Variants in CACNA2D3 observed in about 807,000 individuals in gnomAD.
The protein encoded by CACNA2D3 is calcium voltage-gated channel auxiliary subunit alpha2delta 3, also known as voltage-dependent calcium channel subunit alpha-2/delta-3.
Under a neutral mutation model 160.6 loss-of-function variants are expected in CACNA2D3, and 60 were observed. The observed-to-expected ratio is 0.37, with a 90% CI of 0.30 to 0.46. The LOEUF (loss-of-function observed/expected upper bound fraction) is 0.46, where lower values mean the gene tolerates loss of function less well. CACNA2D3 is among the 20% of genes least tolerant of loss of function. The pLI, the probability that CACNA2D3 is intolerant of heterozygous loss-of-function variation, is 1.00. For missense variants in CACNA2D3, 1,205 were observed against 1,365.0 expected (o/e 0.88, Z 1.85); for synonymous variants, 558 against 492.9 (o/e 1.13, Z -1.75).
chr3:54,412,589 G>T (rs1699686246), intron 4 of CACNA2D3, among the ~76,000 whole-genome samples: 4 of 138,194 alleles, frequency 2.9e-5, no homozygotes, highest in African/African-American at 1.1e-4. Flanking sequence ...CTTATAACCT[G>T]TCTGTAATTC....
intron 2 of CACNA2D3, among the ~76,000 whole-genome samples, chr3:54,192,765 A>G (rs1701006977): frequency 6.6e-6 from 1 of 152,056 alleles, no homozygotes; most frequent in Admixed American, 6.6e-5. Context: ...CAGGTATCTC[A>G]GCCCAGCAAA....
At chr3:54,837,033 C>A in intron 14 of CACNA2D3, 126 bp from the exon 15 acceptor site, 1 of 774,672 alleles carries the variant, frequency 1.3e-6, no homozygotes, top group Non-Finnish European at 2.3e-6. Flanking sequence ...CCACTAAAGG[C>A]TTGAGTGGGC....
intron 32 of CACNA2D3, among the ~76,000 whole-genome samples, chr3:55,007,125 C>T (rs375501731): frequency 6.6e-6 from 1 of 152,126 alleles, no homozygotes; most frequent in African/African-American, 2.4e-5. Context: ...GGAAATATCA[C>T]AGAGTAAACA....
chr3:54,213,052 G>A (rs1030891106), intron 2 of CACNA2D3, among the ~76,000 whole-genome samples: 5 of 152,108 alleles, frequency 3.3e-5, no homozygotes, highest in African/African-American at 1.2e-4. Flanking sequence ...GATGAGCCAA[G>A]GTCAGAATCT....
At chr3:54,343,194 C>T (rs569877791) in intron 3 of CACNA2D3, among the ~76,000 whole-genome samples, 8 of 152,310 alleles carry the variant, frequency 5.3e-5, no homozygotes, top group Admixed American at 3.3e-4. Flanking sequence ...TAAAGCCCCC[C>T]CCTCCCACGA....
Position 54,879,397 on chromosome 3 carries a change from G to A in CACNA2D3, c.1830G>A (p.Lys610=). 6.2e-7 allele frequency: 1 copy of A among 1,609,384 alleles called. No individual in the cohort carries two copies. The highest frequency in any genetic ancestry group is 8.5e-7 in the Non-Finnish European group (1 of 1,177,582). The change falls in exon 20 of 38, where the codon AAG becomes AAA. Residue 610 remains lysine, a synonymous_variant. Coordinates refer to ENST00000474759, the MANE Select transcript of CACNA2D3 (RefSeq NM_018398.3). ...ATGACTACTATTATACAGACATCAA[G>A]GGTACTCCTTTCAGGTAGAGCTGAC... is the stretch of plus-strand genomic sequence containing the variant. ...MTNDYYYTDI[K]GTPFSLGVAL...
At chr3:54,836,477 G>A (rs1206460143) in intron 14 of CACNA2D3, among the ~76,000 whole-genome samples, 1 of 151,816 alleles carries the variant, frequency 6.6e-6, no homozygotes, top group East Asian at 1.9e-4. Context: ...CTCATGATCT[G>A]CCTGCCTTGG....
intron 13 of CACNA2D3, among the ~76,000 whole-genome samples, chr3:54,774,780 G>GC (rs893453170): frequency 2.0e-5 from 3 of 151,582 alleles, no homozygotes; most frequent in Admixed American, 2.0e-4. Flanking sequence ...GATTACAGGC[G>GC]CCCGCCACCA....
chr3:54,646,191 CTTG>C (rs1317363735), intron 11 of CACNA2D3, among the ~76,000 whole-genome samples: 607 of 7,566 alleles, frequency 0.08, 56 homozygotes, highest in Non-Finnish European at 0.1. Context: ...TCCCTCCTTC[CTTG>C]CTTCCTTCCT....
intron 29 of CACNA2D3, among the ~76,000 whole-genome samples, chr3:54,973,256 C>G (rs1702314932): frequency 6.6e-6 from 1 of 152,144 alleles, no homozygotes; most frequent in Admixed American, 6.5e-5. Context: ...AGGAGGGCCA[C>G]GTTCACCTCT....
At chr3:54,490,275 A>T (rs907665072) in intron 4 of CACNA2D3, among the ~76,000 whole-genome samples, 3 of 152,144 alleles carry the variant, frequency 2.0e-5, no homozygotes, top group African/African-American at 7.2e-5. Context: ...CACCAATCCC[A>T]CTTCACAGGA....
chr3:54,982,429 T>C (rs1310185337), intron 29 of CACNA2D3, among the ~76,000 whole-genome samples: 2 of 152,104 alleles, frequency 1.3e-5, no homozygotes, highest in Non-Finnish European at 2.9e-5. Flanking sequence ...TTTACCCAGG[T>C]AGATGCACCC....
At chr3:54,600,102 C>T (rs1703034842) in intron 9 of CACNA2D3, among the ~76,000 whole-genome samples, 2 of 152,166 alleles carry the variant, frequency 1.3e-5, no homozygotes, top group Admixed American at 1.3e-4. Context: ...TGTTGTCTTG[C>T]CAGAACGTTG....
At chr3:54,143,198 C>A (rs1699968812) in intron 2 of CACNA2D3, among the ~76,000 whole-genome samples, 1 of 152,212 alleles carries the variant, frequency 6.6e-6, no homozygotes, top group African/African-American at 2.4e-5. Flanking sequence ...GCTCCCAGGG[C>A]AGTTGTCATG....
chr3:54,523,642 C>T (rs1280958262), intron 5 of CACNA2D3, among the ~76,000 whole-genome samples: 1 of 152,050 alleles, frequency 6.6e-6, no homozygotes, highest in Admixed American at 6.6e-5. Context: ...GTGGCCCTGG[C>T]TTTTCTTTTT....
chr3:54,834,801 C>T (rs1698638302), intron 14 of CACNA2D3, among the ~76,000 whole-genome samples: 1 of 152,168 alleles, frequency 6.6e-6, no homozygotes, highest in South Asian at 2.1e-4. Flanking sequence ...GCTGGCAAGT[C>T]TGAAATCTGC....
chr3:54,203,082 C>T (rs1237732647), intron 2 of CACNA2D3, among the ~76,000 whole-genome samples: 1 of 152,124 alleles, frequency 6.6e-6, no homozygotes, highest in Non-Finnish European at 1.5e-5. Context: ...CACGTGGTAC[C>T]CAGATAAGCA....
At chr3:54,968,661 C>T (rs1702207292) in intron 28 of CACNA2D3, 150 bp downstream of exon 28, 1 of 626,682 alleles carries the variant, frequency 1.6e-6, no homozygotes, top group Admixed American at 2.5e-5. Context: ...CATTTCACTG[C>T]AAAATAAAGG....
chr3:55,033,717 T>TATATTAA (rs1559469375), intron 35 of CACNA2D3, among the ~76,000 whole-genome samples: 7 of 126,464 alleles, frequency 5.5e-5, no homozygotes, highest in African/African-American at 1.2e-4. Flanking sequence ...TAATATATAT[T>TATATTAA]ATATATTAAA....
Sources: allele counts gnomAD v4.1 joint callset (sites outside exome capture counted in the v4.1 genomes callset), GRCh38; gene constraint gnomAD v4.1.1; transcripts MANE v1.5; gene names NCBI Gene and HGNC (gene_info 2026-07-23, HGNC 2026-07-21).